SLC8A1: variants seen among roughly 807,000 people sequenced by gnomAD.
SLC8A1 encodes the protein sodium/calcium exchanger 1.
SLC8A1 carries 18 observed loss-of-function variants against 68.3 expected under a neutral mutation model. That is an observed-to-expected ratio of 0.26 (90% CI 0.18 to 0.39). SLC8A1 has a LOEUF of 0.39. Ranked by LOEUF, SLC8A1 falls within the 10% of genes least tolerant of loss-of-function variation. The pLI, the probability that SLC8A1 is intolerant of heterozygous loss-of-function variation, is 1.00. For synonymous variants in SLC8A1, 475 were observed against 415.5 expected (o/e 1.14, Z -1.74); for missense variants, 985 against 1,156.7 (o/e 0.85, Z 2.15).
chr2:40,365,085 A>G (rs995191183), intron 2 of SLC8A1, among the ~76,000 whole-genome samples: 2 of 152,080 alleles, frequency 1.3e-5, no homozygotes, highest in African/African-American at 4.8e-5. Context: ...CACACTGGCC[A>G]TGTTCTCCAT....
chr2:40,443,722 C>G (rs1214668813), intron 1 of SLC8A1, among the ~76,000 whole-genome samples: 2 of 152,178 alleles, frequency 1.3e-5, no homozygotes, highest in African/African-American at 4.8e-5. Flanking sequence ...GCTCTACTGA[C>G]CAGTCATATG....
At chr2:40,222,657 A>C (rs868752883) in intron 2 of SLC8A1, among the ~76,000 whole-genome samples, 8 of 152,224 alleles carry the variant, frequency 5.3e-5, no homozygotes, top group African/African-American at 1.7e-4. Flanking sequence ...ATCTACAAAG[A>C]ACTTTAACAA....
chr2:40,102,407 T>C (rs1418329255), exon 8 of SLC8A1: 11 of 151,150 alleles, frequency 7.3e-5, no homozygotes. Flanking sequence ...GTATATCAAA[T>C]GCAAGGACTT....
At chr2:40,453,676 T>C (rs973802688), upstream of SLC8A1, among the ~76,000 whole-genome samples, 5 of 152,224 alleles carry the variant, frequency 3.3e-5, no homozygotes, top group African/African-American at 1.2e-4. Flanking sequence ...GGTTGATTCC[T>C]ATGTGCAATG....
intron 1 of SLC8A1, among the ~76,000 whole-genome samples, chr2:40,491,727 A>G (rs1048691204): frequency 4.6e-5 from 7 of 152,250 alleles, no homozygotes; most frequent in Non-Finnish European, 8.8e-5. Flanking sequence ...TTCTGCATCT[A>G]TTGAGAGAAC....
At chr2:40,165,105 G>T (rs938819977) in intron 4 of SLC8A1, 121 bp from the exon 8 acceptor site, 2 of 1,213,246 alleles carry the variant, frequency 1.6e-6, no homozygotes, top group Non-Finnish European at 2.4e-6. Flanking sequence ...AGCCCCCTGG[G>T]TGAGATCACG....
At chr2:40,348,852 T>C (rs1049159744) in intron 2 of SLC8A1, among the ~76,000 whole-genome samples, 2 of 152,186 alleles carry the variant, frequency 1.3e-5, no homozygotes, top group Admixed American at 6.5e-5. Context: ...CACAGTCCTC[T>C]TATGCTTTCA....
chr2:40,461,216 T>G (rs1446408382), intron 1 of SLC8A1, among the ~76,000 whole-genome samples: 2 of 152,194 alleles, frequency 1.3e-5, no homozygotes, highest in Non-Finnish European at 2.9e-5. Flanking sequence ...TTTTTAAGAC[T>G]GGCATATCAA....
chr2:40,316,416 T>A (rs965437688), intron 2 of SLC8A1, among the ~76,000 whole-genome samples: 1 of 152,090 alleles, frequency 6.6e-6, no homozygotes, highest in African/African-American at 2.4e-5. Context: ...TTTTTTCCTA[T>A]TAATTTGAAC....
At chr2:40,416,373 A>C (rs542069066) in intron 2 of SLC8A1, among the ~76,000 whole-genome samples, 2 of 152,306 alleles carry the variant, frequency 1.3e-5, no homozygotes, top group African/African-American at 4.8e-5. Flanking sequence ...ACAAAGATTT[A>C]AGCTATTTTT....
chr2:40,290,279 T>G (rs569428097), intron 2 of SLC8A1, among the ~76,000 whole-genome samples: 1 of 152,264 alleles, frequency 6.6e-6, no homozygotes, highest in East Asian at 1.9e-4. Flanking sequence ...AAGGTTTCTT[T>G]GTTTCTTTGT....
chr2:40,099,388 C>G (rs1337443528), exon 8 of SLC8A1: 2 of 152,052 alleles, frequency 1.3e-5, no homozygotes, highest in Non-Finnish European at 2.9e-5. Flanking sequence ...TTAAGTATTA[C>G]TGATAAACCA....
At chr2:40,403,787 T>C (rs1321617818) in intron 2 of SLC8A1, among the ~76,000 whole-genome samples, 2 of 152,228 alleles carry the variant, frequency 1.3e-5, no homozygotes, top group Admixed American at 6.5e-5. Flanking sequence ...ATCCAAAATA[T>C]GTGTAACTAA....
chr2:40,298,476 G>A (rs2070831653), intron 2 of SLC8A1, among the ~76,000 whole-genome samples: 1 of 152,108 alleles, frequency 6.6e-6, no homozygotes, highest in African/African-American at 2.4e-5. Flanking sequence ...ATTAGTTAAG[G>A]GATTTTGGGG....
chr2:40,263,433 C>T (rs1025227470), intron 2 of SLC8A1, among the ~76,000 whole-genome samples: 50 of 152,266 alleles, frequency 3.3e-4, no homozygotes, highest in African/African-American at 9.6e-4. Context: ...GGAGGCATCA[C>T]GCTACATGAC....
intron 1 of SLC8A1, among the ~76,000 whole-genome samples, chr2:40,432,055 GGTCA>G (rs1698435549): frequency 6.6e-6 from 1 of 152,030 alleles, no homozygotes; most frequent in African/African-American, 2.4e-5. Context: ...CAAAAGTTCT[GGTCA>G]GTATGTCTGC....
intron 2 of SLC8A1, among the ~76,000 whole-genome samples, chr2:40,420,039 A>T (rs1446817896): frequency 1.3e-5 from 2 of 152,176 alleles, no homozygotes; most frequent in Non-Finnish European, 2.9e-5. Context: ...CTGGACATTC[A>T]TGTGATTTTA....
intron 2 of SLC8A1, among the ~76,000 whole-genome samples, chr2:40,340,840 G>C (rs78741137): frequency 0.017 from 2,546 of 152,164 alleles, 72 homozygotes; most frequent in African/African-American, 0.058. Flanking sequence ...GTTTGAAGGA[G>C]TTATTTCAGA....
chr2:40,503,737 TA>T (rs1161253653), intron 1 of SLC8A1, among the ~76,000 whole-genome samples: 6 of 151,962 alleles, frequency 3.9e-5, no homozygotes, highest in African/African-American at 1.4e-4. Context: ...ACCTAGGAAT[TA>T]ACTTAACCAA....
Sources: allele counts gnomAD v4.1 joint callset (sites outside exome capture counted in the v4.1 genomes callset), GRCh38; gene constraint gnomAD v4.1.1; transcripts MANE v1.5; gene names NCBI Gene and HGNC (gene_info 2026-07-23, HGNC 2026-07-21).